MRPL3: variants seen among roughly 807,000 people sequenced by gnomAD.
MRPL3 encodes large ribosomal subunit protein uL3m.
In MRPL3, 43 loss-of-function variants were observed where a neutral mutation model predicts 44.3. The observed-to-expected ratio is 0.97, with a 90% CI of 0.76 to 1.25. The LOEUF (loss-of-function observed/expected upper bound fraction) is 1.25. MRPL3 is among the 50% of genes most tolerant of loss of function. The pLI, the probability that MRPL3 is intolerant of heterozygous loss-of-function variation, is 0.00. For missense variants in MRPL3, 406 were observed against 427.6 expected, an observed-to-expected ratio of 0.95 and a Z score of 0.45; for synonymous variants, 171 against 152.3, an observed-to-expected ratio of 1.12 and a Z score of -0.91.
chr3:131,479,871 T>G (rs935632053), intron 6 of MRPL3, among the ~76,000 whole-genome samples: 1 of 152,106 alleles, frequency 6.6e-6, no homozygotes, highest in African/African-American at 2.4e-5. Context: ...ATAAAATCTT[T>G]TAACTGTGAT....
At chr3:131,497,421 G>A (rs577089539) in intron 4 of MRPL3, among the ~76,000 whole-genome samples, 1 of 152,280 alleles carries the variant, frequency 6.6e-6, no homozygotes, top group African/African-American at 2.4e-5. Flanking sequence ...TTGACAGTCA[G>A]AGAGTATGGG....
chr3:131,498,172 T>C lies in MRPL3; in HGVS notation c.468+7A>G. The C allele has an allele frequency of 6.4e-7, 1 of 1,561,846 alleles. No individual in the cohort carries two copies. The highest frequency in any genetic ancestry group is 8.8e-7 in the Non-Finnish European group (1 of 1,132,888). On this transcript the variant is annotated splice_region_variant and intron_variant, in intron 4 of 9. Transcript: ENST00000264995. ...GCAGTATTCTAGCTATGAAAATACA[T>C]CCTTACACGAAAACGTGATACAGTT... is the stretch of plus-strand genomic sequence containing the variant.
chr3:131,485,834 C>G (rs1005009973), intron 6 of MRPL3, among the ~76,000 whole-genome samples: 2 of 152,170 alleles, frequency 1.3e-5, no homozygotes, highest in African/African-American at 4.8e-5. Flanking sequence ...GAAAGTGATA[C>G]TAGCACTCCC....
At chr3:131,468,736 G>A (rs907344008) in intron 8 of MRPL3, among the ~76,000 whole-genome samples, 1 of 151,948 alleles carries the variant, frequency 6.6e-6, no homozygotes, top group Admixed American at 6.6e-5. Flanking sequence ...TACAAAAATT[G>A]AAATCACACA....
chr3:131,462,753 C>G lies in MRPL3; in HGVS notation c.1017G>C (p.Gln339His), dbSNP rs1464788559. ...CAAATGTAATAGAAGGCGCACCGGG[C>G]TGACACACGTTTTCATCATACAAAT... ...PEDLYDENVC[Q>H]PGAPSITFA The change falls in exon 10 of 10, where the codon CAG becomes CAC. Residue 339 changes from glutamine (Q) to histidine (H), a missense_variant. By Grantham distance (24) the Gln-to-His change is conservative. Transcript: ENST00000264995. 3 of 1,612,224 alleles carry G rather than the reference C, an allele frequency of 1.9e-6. No individual in the cohort carries two copies. The highest frequency in any genetic ancestry group is 1.3e-5 in the African/African-American group (1 of 74,918).
Position 131,502,837 on chromosome 3 carries a change from G to C in MRPL3, c.-16C>G, listed in dbSNP as rs1470150397. ...AACCCGGCATGGATTAGCCCGGGAA[G>C]ACTCGACTCACGACTTCCGGGCGCC... is the stretch of plus-strand genomic sequence containing the variant. On this transcript the variant is annotated 5_prime_UTR_variant, in exon 1 of 10. Transcript: ENST00000264995. 1 of 1,610,222 alleles carries C rather than the reference G, an allele frequency of 6.2e-7. No individual in the cohort carries two copies. The highest frequency in any genetic ancestry group is 8.5e-7 in the Non-Finnish European group (1 of 1,178,662).
chr3:131,474,765 ATTTT>A (rs372689423), intron 6 of MRPL3, among the ~76,000 whole-genome samples: 14 of 137,880 alleles, frequency 1.0e-4, no homozygotes, highest in Non-Finnish European at 1.6e-4. Context: ...AGACTTTTTA[ATTTT>A]TTTTTTTTTT....
At chr3:131,489,896 A>G in intron 5 of MRPL3, 85 bp downstream of exon 5, 4 of 746,564 alleles carry the variant, frequency 5.4e-6, no homozygotes, top group Non-Finnish European at 9.3e-6. Context: ...TGCATTTTAG[A>G]TGTAGCTTTA....
At chr3:131,483,284 G>A (rs956632071) in intron 6 of MRPL3, among the ~76,000 whole-genome samples, 1 of 152,034 alleles carries the variant, frequency 6.6e-6, no homozygotes, top group East Asian at 1.9e-4. Context: ...CATGATACAT[G>A]CTAGTTTAAA....
At chr3:131,479,141 G>C (rs1933920005) in intron 6 of MRPL3, 1 of 518,634 alleles carries the variant, frequency 1.9e-6, no homozygotes, top group South Asian at 1.4e-5. Context: ...GATGAAGCTG[G>C]TTAGAGCTGG....
chr3:131,488,465 T>C (rs924055991), intron 5 of MRPL3, among the ~76,000 whole-genome samples: 1 of 152,138 alleles, frequency 6.6e-6, no homozygotes, highest in African/African-American at 2.4e-5. Context: ...TTACATAAAC[T>C]TGAAAGTAAC....
intron 6 of MRPL3, among the ~76,000 whole-genome samples, chr3:131,482,234 T>C (rs1934004112): frequency 6.6e-6 from 1 of 152,044 alleles, no homozygotes; most frequent in African/African-American, 2.4e-5. Context: ...TTTTTATTAC[T>C]GGCCAGGCAT....
rs77103341 is a variant in MRPL3, at chr3:131,500,238, G to C, written c.369+192C>G. Among the ~76,000 whole-genome samples the C allele has an allele frequency of 0.025, 3,829 of 152,228 alleles. 145 individuals carry two copies. The highest frequency in any genetic ancestry group is 0.087 in the African/African-American group (3,608 of 41,534). On this transcript the variant is annotated intron_variant, in intron 3 of 9. Transcript: ENST00000264995. The stretch of plus-strand genomic sequence containing the variant: ...AGTTATCCCAATACCAGTATCAGAA[G>C]GCCACTGCTCAGGCAAGAGTGAGAA...
chr3:131,482,478 G>C (rs554366614), intron 6 of MRPL3, among the ~76,000 whole-genome samples: 1 of 149,956 alleles, frequency 6.7e-6, no homozygotes, highest in East Asian at 2.0e-4. Flanking sequence ...TCGTGCCACT[G>C]CACTCCAGCC....
rs151250111 is a variant in MRPL3, at chr3:131,478,036, T to C, written c.630-6757A>G. On this transcript the variant is annotated intron_variant, in intron 6 of 9. Transcript: ENST00000264995. ...GTATGTTTTTGTAAATAAAGTTTTATTGGGATAGAGTCATGCACACTAATT... is the reference window on the plus strand; with the variant it reads ...GTATGTTTTTGTAAATAAAGTTTTACTGGGATAGAGTCATGCACACTAATT... Among the ~76,000 whole-genome samples the C allele has an allele frequency of 5.5e-3, 831 of 152,338 alleles. 12 individuals are homozygous for C. Among genetic ancestry groups the C allele is most frequent in the African/African-American group, 0.019 (799 of 41,564 alleles).
At position 131,462,572 on chromosome 3, in the gene MRPL3, G is replaced by C. The variant is rs1259610774; in HGVS notation, c.*151C>G. The C allele has an allele frequency of 5.0e-6, 3 of 598,084 alleles. No homozygotes were observed. Among genetic ancestry groups the C allele is most frequent in the Non-Finnish European group, 7.9e-6 (3 of 381,678 alleles). The allele number at this position is 598,084 out of a possible 1,614,324, so 37.0% of individuals were successfully genotyped here. ...AATTTTTCTAACAAAATTTAATGGG[G>C]GTATGAATGATATATTTATGCCCTT... On this transcript the variant is annotated 3_prime_UTR_variant, in exon 10 of 10. Coordinates refer to ENST00000264995, the MANE Select transcript of MRPL3 (RefSeq NM_007208.4).
chr3:131,470,614 T>G (rs1933717381), intron 7 of MRPL3, among the ~76,000 whole-genome samples: 1 of 148,510 alleles, frequency 6.7e-6, no homozygotes, highest in South Asian at 2.1e-4. Context: ...TAGACAGAAC[T>G]AAGACACACA....
chr3:131,490,120 T>G, intron 4 of MRPL3, 40 bp from the exon 5 acceptor site: 1 of 1,388,878 alleles, frequency 7.2e-7, no homozygotes, highest in Non-Finnish European at 1.0e-6. Flanking sequence ...ACATTGAATA[T>G]TAAAAGTGGA....
chr3:131,486,623 A>C (rs1934131800), intron 6 of MRPL3, among the ~76,000 whole-genome samples: 2 of 152,036 alleles, frequency 1.3e-5, no homozygotes, highest in African/African-American at 4.8e-5. Context: ...CAAGAAAAAA[A>C]CCAACCCCAT....
Sources: allele counts gnomAD v4.1 joint callset (sites outside exome capture counted in the v4.1 genomes callset), GRCh38; gene constraint gnomAD v4.1.1; transcripts MANE v1.5; gene names NCBI Gene and HGNC (gene_info 2026-07-23, HGNC 2026-07-21).